Variants in SMU1 observed in about 807,000 individuals in gnomAD.
SMU1 encodes the protein WD40 repeat-containing protein SMU1.
A neutral mutation model predicts 62.0 loss-of-function variants in SMU1; 2 were observed. The observed-to-expected ratio is 0.03, with a 90% CI of 0.01 to 0.10. The LOEUF (loss-of-function observed/expected upper bound fraction) is 0.10, where lower values mean the gene tolerates loss of function less well. Ranked by LOEUF, SMU1 falls within the 10% of genes least tolerant of loss-of-function variation. The probability of loss-of-function intolerance (pLI) is 1.00; values close to 1 mark genes in which losing one functional copy is unlikely to be tolerated. For synonymous variants in SMU1, 188 were observed against 212.4 expected (o/e 0.89, Z 1.00); for missense variants, 227 against 622.1 (o/e 0.36, Z 6.76).
chr9:33,070,466 T>C (rs1364189226), intron 3 of SMU1, among the ~76,000 whole-genome samples: 1 of 152,332 alleles, frequency 6.6e-6, no homozygotes, highest in East Asian at 1.9e-4. Context: ...CTATGGAGAA[T>C]AGTTTGGAGA....
chr9:33,065,328 G>C (rs958350714), intron 4 of SMU1, among the ~76,000 whole-genome samples: 31 of 152,060 alleles, frequency 2.0e-4, no homozygotes, highest in African/African-American at 7.5e-4. Context: ...AAACTAAAGG[G>C]AAACGAAACC....
chr9:33,073,568 T>C (rs1839510805), intron 2 of SMU1, 28 bp downstream of exon 2: 1 of 1,581,328 alleles, frequency 6.3e-7, no homozygotes, highest in South Asian at 1.1e-5. Flanking sequence ...AACCAACCCA[T>C]GGGGATCAGC....
intron 9 of SMU1, among the ~76,000 whole-genome samples, chr9:33,053,688 T>A (rs1839273901): frequency 6.6e-6 from 1 of 152,252 alleles, no homozygotes; most frequent in Non-Finnish European, 1.5e-5. Flanking sequence ...AGATTTAAGT[T>A]TTGCTTTTTA....
rs1839168934 is a variant in SMU1, at chr9:33,044,954, T to G, written c.*2339A>C. On this transcript the variant is annotated 3_prime_UTR_variant, in exon 12 of 12. Coordinates refer to ENST00000397149, the MANE Select transcript of SMU1 (RefSeq NM_018225.3). ...CCTTTCGCGTTAACTGCCCGCCTCA[T>G]CATCACAAAGGTAACTTGAGCTTTT... The G allele has an allele frequency of 6.6e-6, 1 of 152,182 alleles. No homozygotes were observed. Among genetic ancestry groups the G allele is most frequent in the Admixed American group, 6.6e-5 (1 of 15,266 alleles). 9.4% of individuals were successfully genotyped at this position (152,182 alleles called of 1,614,324 possible). A position where few individuals can be genotyped will look rare whatever the true frequency, so the allele number is the denominator to read the frequency against.
chr9:33,071,684 A>T, intron 3 of SMU1, 56 bp downstream of exon 3: 1 of 1,473,096 alleles, frequency 6.8e-7, no homozygotes, highest in Non-Finnish European at 9.2e-7. Context: ...AAAAAAGATC[A>T]TGTTATTTCA....
intron 9 of SMU1, among the ~76,000 whole-genome samples, chr9:33,054,157 CA>C (rs1839280324): frequency 6.6e-6 from 1 of 150,816 alleles, no homozygotes; most frequent in African/African-American, 2.4e-5. Flanking sequence ...ACAAACAAAA[CA>C]AAAACCGCTT....
chr9:33,061,203 A>G lies in SMU1; in HGVS notation c.631-619T>C, dbSNP rs146257173. On this transcript the variant is annotated intron_variant, in intron 5 of 11. Transcript: ENST00000397149. ...TGAAAACTACAGAAAATTAGGTAGA[A>G]AGAACAAAGAAAAGCTCTAATGTGG... Among the ~76,000 whole-genome samples the G allele has an allele frequency of 9.8e-3, 1,492 of 152,320 alleles. 16 individuals are homozygous for G. Among genetic ancestry groups the G allele is most frequent in the African/African-American group, 0.032 (1,312 of 41,564 alleles).
intron 9 of SMU1, among the ~76,000 whole-genome samples, chr9:33,053,775 A>G (rs1839274766): frequency 6.6e-6 from 1 of 152,264 alleles, no homozygotes; most frequent in Non-Finnish European, 1.5e-5. Flanking sequence ...CCGGATACAG[A>G]GGACCAACTG....
chr9:33,068,276 T>C (rs1256975805), intron 4 of SMU1, among the ~76,000 whole-genome samples: 1 of 152,120 alleles, frequency 6.6e-6, no homozygotes, highest in African/African-American at 2.4e-5. Context: ...TCAACGATAT[T>C]CCAGACAGGA....
At chr9:33,064,091 G>T (rs553163782) in intron 4 of SMU1, among the ~76,000 whole-genome samples, 1 of 152,074 alleles carries the variant, frequency 6.6e-6, no homozygotes, top group African/African-American at 2.4e-5. Flanking sequence ...TTGCTGCAAA[G>T]AATTCTTTTA....
At chr9:33,071,632 T>C (rs1186827382) in intron 3 of SMU1, 108 bp downstream of exon 3, 1 of 1,106,744 alleles carries the variant, frequency 9.0e-7, no homozygotes, top group African/African-American at 1.9e-5. Context: ...AAAAATTAAA[T>C]CAAAATCACA....
At position 33,056,705 on chromosome 9, in the gene SMU1, A is replaced by G. The variant is rs898658133; in HGVS notation, c.995+132T>C. ...GTACTTTGGGGACATAAGGTCTCAC[A>G]TACCTTCCCTCTCCATATCACATCA... On this transcript the variant is annotated intron_variant, in intron 8 of 11. Coordinates refer to ENST00000397149, the MANE Select transcript of SMU1 (RefSeq NM_018225.3). 10 of 1,004,442 alleles carry G rather than the reference A, an allele frequency of 1.0e-5. No individual in the cohort carries two copies. In the African/African-American group the frequency reaches 1.6e-4, roughly 16 times the overall value. The allele number at this position is 1,004,442 out of a possible 1,614,324, so 62.2% of individuals were successfully genotyped here.
At chr9:33,068,701 C>T in intron 4 of SMU1, 123 bp downstream of exon 4, 1 of 1,121,640 alleles carries the variant, frequency 8.9e-7, no homozygotes, top group Non-Finnish European at 1.2e-6. Context: ...GACAGAGTCT[C>T]ACAATGTTGC....
chr9:33,052,652 G>C (rs1839263203), intron 10 of SMU1, among the ~76,000 whole-genome samples: 1 of 152,168 alleles, frequency 6.6e-6, no homozygotes, highest in South Asian at 2.1e-4. Context: ...CTACTTCACA[G>C]TCCACAAAAG....
At chr9:33,072,201 G>C (rs1298572464) in intron 2 of SMU1, among the ~76,000 whole-genome samples, 1 of 152,126 alleles carries the variant, frequency 6.6e-6, no homozygotes, top group African/African-American at 2.4e-5. Flanking sequence ...GCTGGGTGTG[G>C]TGGTATATGC....
chr9:33,061,467 G>A (rs866912812), intron 5 of SMU1, among the ~76,000 whole-genome samples: 2 of 152,094 alleles, frequency 1.3e-5, no homozygotes, highest in African/African-American at 4.8e-5. Flanking sequence ...GGAATTTAGA[G>A]CACAAATCCA....
chr9:33,060,394 A>T, intron 6 of SMU1, 71 bp downstream of exon 6: 6 of 1,294,280 alleles, frequency 4.6e-6, no homozygotes, highest in Non-Finnish European at 6.5e-6. Flanking sequence ...TCTGATTTAG[A>T]GGCCATAGGT....
intron 1 of SMU1, among the ~76,000 whole-genome samples, chr9:33,074,869 G>T (rs533286480): frequency 3.8e-4 from 58 of 151,790 alleles, no homozygotes; most frequent in South Asian, 6.2e-4. Context: ...GGCCTCCTGG[G>T]ATCAGGTGAT....
intron 2 of SMU1, 121 bp downstream of exon 2, chr9:33,073,475 A>T (rs1199753149): frequency 4.7e-6 from 3 of 634,998 alleles, no homozygotes; most frequent in Non-Finnish European, 8.4e-6. Context: ...AAGCCTTGCC[A>T]TTGTTGTATG....
Sources: allele counts gnomAD v4.1 joint callset (sites outside exome capture counted in the v4.1 genomes callset), GRCh38; gene constraint gnomAD v4.1.1; transcripts MANE v1.5; gene names NCBI Gene and HGNC (gene_info 2026-07-23, HGNC 2026-07-21).